The following SNTG1 variants were observed in gnomAD, a reference collection of about 807,000 sequenced individuals.
The protein encoded by SNTG1 is syntrophin gamma 1, also known as gamma-1-syntrophin.
A neutral mutation model predicts 74.7 loss-of-function variants in SNTG1; 39 were observed. The ratio of observed to expected loss-of-function variants is 0.52; its 90% CI spans 0.40 to 0.68. SNTG1 has a LOEUF of 0.68. SNTG1 is among the 30% of genes least tolerant of loss of function. The pLI is 0.00. For missense variants in SNTG1, 685 were observed against 609.5 expected, an observed-to-expected ratio of 1.12 and a Z score of -1.30; for synonymous variants, 254 against 217.1, an observed-to-expected ratio of 1.17 and a Z score of -1.49.
rs143432655 is a variant in SNTG1 at position 50,492,926 on chromosome 8, G to A, written c.364-9852G>A. Among the ~76,000 whole-genome samples, 1,095 of 152,228 alleles carry A rather than the reference G, an allele frequency of 7.2e-3. 9 individuals carry two copies. The highest frequency in any genetic ancestry group is 0.025 in the African/African-American group (1,052 of 41,536). ...ATTTTTGTATAAGGCATAAGGAAGGGATCCAGTTTCAGTTTTCTGCATACT... is the reference window on the plus strand; with the variant it reads ...ATTTTTGTATAAGGCATAAGGAAGGAATCCAGTTTCAGTTTTCTGCATACT... On this transcript the variant is annotated intron_variant, in intron 8 of 18. Coordinates refer to ENST00000642720, the MANE Select transcript of SNTG1 (RefSeq NM_018967.5).
At chr8:50,086,061 G>A (rs550084408) in intron 1 of SNTG1, among the ~76,000 whole-genome samples, 3 of 152,266 alleles carry the variant, frequency 2.0e-5, no homozygotes, top group East Asian at 1.9e-4. Flanking sequence ...TCGATTTGGG[G>A]TAGCAACCAA....
chr8:50,292,277 A>G (rs909764897), intron 2 of SNTG1, among the ~76,000 whole-genome samples: 1 of 152,072 alleles, frequency 6.6e-6, no homozygotes, highest in Non-Finnish European at 1.5e-5. Context: ...TGAGAGCATA[A>G]TCTACTTGAA....
chr8:50,021,046 T>C (rs1816770820), intron 1 of SNTG1, among the ~76,000 whole-genome samples: 1 of 152,142 alleles, frequency 6.6e-6, no homozygotes, highest in Admixed American at 6.6e-5. Context: ...TGAATATCTT[T>C]GGTTGGGCAG....
At chr8:50,313,178 T>C (rs1253882920) in intron 2 of SNTG1, among the ~76,000 whole-genome samples, 11 of 149,700 alleles carry the variant, frequency 7.3e-5, no homozygotes. Flanking sequence ...TGGAGTATAG[T>C]CTGAAATGTA....
At chr8:49,973,613 T>C (rs779832577) in intron 1 of SNTG1, among the ~76,000 whole-genome samples, 3 of 151,814 alleles carry the variant, frequency 2.0e-5, no homozygotes, top group Non-Finnish European at 2.9e-5. Context: ...TATGCATCAG[T>C]GTATCTTATA....
chr8:50,780,761 G>A (rs1308756695), intron 18 of SNTG1, among the ~76,000 whole-genome samples: 1 of 152,030 alleles, frequency 6.6e-6, no homozygotes, highest in African/African-American at 2.4e-5. Context: ...GAATGTGTTT[G>A]CTCTTGTTTT....
chr8:50,645,595 T>A (rs746106691), intron 13 of SNTG1, among the ~76,000 whole-genome samples: 1 of 152,176 alleles, frequency 6.6e-6, no homozygotes, highest in Non-Finnish European at 1.5e-5. Flanking sequence ...GGATATTATC[T>A]TCCTCCAGAG....
At chr8:50,576,088 A>T (rs1007701179) in intron 12 of SNTG1, among the ~76,000 whole-genome samples, 1 of 152,196 alleles carries the variant, frequency 6.6e-6, no homozygotes, top group African/African-American at 2.4e-5. Flanking sequence ...CCAGGATGCC[A>T]ATTGCATGCA....
intron 1 of SNTG1, among the ~76,000 whole-genome samples, chr8:49,980,177 T>A (rs551703694): frequency 6.6e-6 from 1 of 152,214 alleles, no homozygotes; most frequent in East Asian, 1.9e-4. Context: ...CGTTCCCAGT[T>A]CTCCTCCAGC....
At chr8:49,994,689 G>A (rs1024514856) in intron 1 of SNTG1, among the ~76,000 whole-genome samples, 20 of 151,242 alleles carry the variant, frequency 1.3e-4, no homozygotes, top group Admixed American at 1.3e-3. Flanking sequence ...TCCTCACTTT[G>A]ACTATAGCTA....
intron 1 of SNTG1, among the ~76,000 whole-genome samples, chr8:50,117,087 GA>G (rs1403088168): frequency 1.3e-5 from 2 of 151,954 alleles, no homozygotes; most frequent in Non-Finnish European, 2.9e-5. Context: ...TACATTTTAA[GA>G]CAATTTTAAT....
chr8:49,910,860 G>T (rs1805543514), upstream of SNTG1: 1 of 152,298 alleles, frequency 6.6e-6, no homozygotes. Flanking sequence ...CCCGTCCTTT[G>T]TGAAATAAGC....
At chr8:49,916,645 G>A (rs1039778443) in intron 1 of SNTG1, among the ~76,000 whole-genome samples, 1 of 152,042 alleles carries the variant, frequency 6.6e-6, no homozygotes, top group Non-Finnish European at 1.5e-5. Context: ...CACTAAATAA[G>A]CTAATAGAAA....
chr8:50,068,584 T>A (rs570873326), intron 1 of SNTG1, among the ~76,000 whole-genome samples: 1 of 152,330 alleles, frequency 6.6e-6, no homozygotes, highest in South Asian at 2.1e-4. Flanking sequence ...GGTTTTCCAG[T>A]CGCATGGAGC....
intron 2 of SNTG1, among the ~76,000 whole-genome samples, chr8:50,315,997 A>G (rs17770910): frequency 0.47 from 71,467 of 152,076 alleles, 19,375 homozygotes; most frequent in East Asian, 0.83. Context: ...TTTTTGATTC[A>G]TATCACATTT....
intron 4 of SNTG1, among the ~76,000 whole-genome samples, chr8:50,413,267 T>C (rs182303955): frequency 1.3e-5 from 2 of 152,312 alleles, no homozygotes; most frequent in East Asian, 3.9e-4. Flanking sequence ...CATAGAGGCA[T>C]AGATGGATGA....
chr8:50,267,949 A>G (rs2130227989), intron 2 of SNTG1, among the ~76,000 whole-genome samples: 1 of 152,314 alleles, frequency 6.6e-6, no homozygotes, highest in East Asian at 1.9e-4. Context: ...AAAGTCACAC[A>G]CATTGGAAAG....
At chr8:49,961,681 A>C (rs1206941541) in intron 1 of SNTG1, among the ~76,000 whole-genome samples, 5 of 152,236 alleles carry the variant, frequency 3.3e-5, no homozygotes, top group African/African-American at 1.2e-4. Flanking sequence ...TATACTTAAA[A>C]GAGAACAATG....
At chr8:50,169,946 G>A (rs2082747491) in intron 1 of SNTG1, among the ~76,000 whole-genome samples, 1 of 152,124 alleles carries the variant, frequency 6.6e-6, no homozygotes, top group Admixed American at 6.5e-5. Context: ...GGGACCCCAT[G>A]TGTAAAATAA....
Sources: gnomAD v4.1 joint callset for allele counts (sites outside exome capture counted in the v4.1 genomes callset) on GRCh38, gnomAD v4.1.1 for gene constraint, MANE v1.5 for transcripts, NCBI Gene and HGNC (gene_info 2026-07-23, HGNC 2026-07-21) for gene names.